SLC39A11: variants seen among roughly 807,000 people sequenced by gnomAD.
SLC39A11 encodes the protein zinc transporter ZIP11.
SLC39A11 carries 33 observed loss-of-function variants against 36.1 expected under a neutral mutation model. The observed-to-expected ratio is 0.91, with a 90% CI of 0.69 to 1.22. The LOEUF (loss-of-function observed/expected upper bound fraction) is 1.22, where lower values mean the gene tolerates loss of function less well. Ranked by LOEUF, SLC39A11 falls within the 50% of genes most tolerant of loss-of-function variation. The pLI, the probability that SLC39A11 is intolerant of heterozygous loss-of-function variation, is 0.00. For missense variants in SLC39A11, 432 were observed against 430.3 expected, an observed-to-expected ratio of 1.00 and a Z score of -0.03; for synonymous variants, 166 against 170.3, an observed-to-expected ratio of 0.97 and a Z score of 0.20.
intron 7 of SLC39A11, among the ~76,000 whole-genome samples, chr17:72,649,867 ATGGG>A (rs2069771409): frequency 6.6e-6 from 1 of 151,612 alleles, no homozygotes; most frequent in Non-Finnish European, 1.5e-5. Context: ...TGCTGGGATT[ATGGG>A]CGTGAGCCAC....
chr17:73,069,744 G>T (rs916292603), intron 3 of SLC39A11, among the ~76,000 whole-genome samples: 3 of 152,146 alleles, frequency 2.0e-5, no homozygotes, highest in Admixed American at 1.3e-4. Flanking sequence ...TGCACTCAGG[G>T]TATCTTTCAA....
At chr17:72,916,515 G>A (rs530936556) in intron 5 of SLC39A11, among the ~76,000 whole-genome samples, 1 of 152,206 alleles carries the variant, frequency 6.6e-6, no homozygotes, top group Admixed American at 6.5e-5. Flanking sequence ...TACCATGGCA[G>A]CAGCTGGGCA....
intron 5 of SLC39A11, among the ~76,000 whole-genome samples, chr17:72,906,093 C>A (rs576308533): frequency 2.6e-5 from 4 of 152,164 alleles, no homozygotes; most frequent in Admixed American, 1.3e-4. Flanking sequence ...GGGTTCACAA[C>A]GAGCTAGAGT....
chr17:72,905,793 G>A (rs983618692), intron 5 of SLC39A11, among the ~76,000 whole-genome samples: 2 of 150,330 alleles, frequency 1.3e-5, no homozygotes, highest in African/African-American at 4.9e-5. Context: ...TCGCTCTGTC[G>A]CCCAGGCTAG....
At chr17:72,759,648 C>T (rs1449435311) in intron 6 of SLC39A11, among the ~76,000 whole-genome samples, 1 of 152,072 alleles carries the variant, frequency 6.6e-6, no homozygotes, top group Non-Finnish European at 1.5e-5. Context: ...TTGTCCATTC[C>T]ATCTTAACAT....
intron 4 of SLC39A11, among the ~76,000 whole-genome samples, chr17:73,019,871 T>C (rs899520708): frequency 3.3e-5 from 5 of 152,308 alleles, no homozygotes; most frequent in East Asian, 1.9e-4. Flanking sequence ...TTATGTTGTT[T>C]ATTAAATATA....
intron 3 of SLC39A11, among the ~76,000 whole-genome samples, chr17:73,043,163 C>G (rs972003132): frequency 6.6e-6 from 1 of 152,146 alleles, no homozygotes; most frequent in African/African-American, 2.4e-5. Flanking sequence ...GGGAGGGGCT[C>G]TGGAAGGCTG....
chr17:72,980,310 A>G (rs1598704956), intron 4 of SLC39A11, among the ~76,000 whole-genome samples: 1 of 152,186 alleles, frequency 6.6e-6, no homozygotes, highest in East Asian at 1.9e-4. Context: ...AATACTCATA[A>G]AAGGAAATGA....
chr17:72,777,839 T>G (rs2144811296), intron 6 of SLC39A11, among the ~76,000 whole-genome samples: 1 of 151,688 alleles, frequency 6.6e-6, no homozygotes. Context: ...ATGCTTTACG[T>G]ACACTGTGTG....
chr17:72,908,468 C>T lies in SLC39A11; in HGVS notation c.430+39284G>A, dbSNP rs148487328. ...AACACGGCTGCATCTGACCAAGACA[C>T]TATGTGACTTGCGACAGGACACTAC... On this transcript the variant is annotated intron_variant, in intron 5 of 9. Transcript: ENST00000255559. 8.0e-3 allele frequency among the ~76,000 whole-genome samples: 1,224 copies of T among 152,324 alleles called. 13 individuals are homozygous for T. Among genetic ancestry groups the T allele is most frequent in the African/African-American group, 0.028 (1,144 of 41,568 alleles).
intron 3 of SLC39A11, chr17:73,068,137 G>A: frequency 7.5e-7 from 1 of 1,331,046 alleles, no homozygotes; most frequent in Non-Finnish European, 1.1e-6. Context: ...TTTTTTTCTT[G>A]GTGTCGCCAG....
chr17:72,910,422 G>T (rs1200186074), intron 5 of SLC39A11, among the ~76,000 whole-genome samples: 8 of 151,826 alleles, frequency 5.3e-5, no homozygotes, highest in Non-Finnish European at 1.5e-5. Context: ...TCAGAAGTTT[G>T]AGACCAGCGT....
At chr17:72,852,280 G>C (rs916011523) in intron 5 of SLC39A11, among the ~76,000 whole-genome samples, 1 of 147,824 alleles carries the variant, frequency 6.8e-6, no homozygotes, top group African/African-American at 2.5e-5. Flanking sequence ...AATCCTACAA[G>C]TACAGATTGA....
At chr17:72,864,830 T>C (rs553127789) in intron 5 of SLC39A11, among the ~76,000 whole-genome samples, 6 of 152,266 alleles carry the variant, frequency 3.9e-5, no homozygotes, top group African/African-American at 1.4e-4. Context: ...TGTCAAGTTA[T>C]AAGTCTTGAA....
At chr17:72,772,847 G>A (rs943048818) in intron 6 of SLC39A11, among the ~76,000 whole-genome samples, 1 of 152,202 alleles carries the variant, frequency 6.6e-6, no homozygotes, top group Non-Finnish European at 1.5e-5. Context: ...ACTTTGGGAG[G>A]CCAAGGTGGA....
At chr17:72,781,282 A>G (rs896281514) in intron 6 of SLC39A11, among the ~76,000 whole-genome samples, 1 of 152,206 alleles carries the variant, frequency 6.6e-6, no homozygotes, top group Non-Finnish European at 1.5e-5. Flanking sequence ...GCACGTCAAG[A>G]AAACCAGCTT....
At chr17:72,709,217 C>G (rs996991411) in intron 7 of SLC39A11, among the ~76,000 whole-genome samples, 1 of 152,074 alleles carries the variant, frequency 6.6e-6, no homozygotes, top group Non-Finnish European at 1.5e-5. Flanking sequence ...GGATTACAGG[C>G]GTGAGCCACC....
intron 6 of SLC39A11, among the ~76,000 whole-genome samples, chr17:72,847,386 A>T (rs964909198): frequency 6.9e-6 from 1 of 144,628 alleles, no homozygotes; most frequent in Non-Finnish European, 1.5e-5. Context: ...TGGGCGACAG[A>T]GCGAGACTCT....
intron 4 of SLC39A11, among the ~76,000 whole-genome samples, chr17:73,013,545 T>C (rs1046468634): frequency 2.0e-5 from 3 of 152,240 alleles, no homozygotes; most frequent in African/African-American, 7.2e-5. Flanking sequence ...TGCAGCTGAC[T>C]TGGCCCTCAG....
Sources: gnomAD v4.1 joint callset for allele counts (sites outside exome capture counted in the v4.1 genomes callset) on GRCh38, gnomAD v4.1.1 for gene constraint, MANE v1.5 for transcripts, NCBI Gene and HGNC (gene_info 2026-07-23, HGNC 2026-07-21) for gene names.